Variants in ATRNL1 observed in about 807,000 individuals in gnomAD.
ATRNL1 encodes the protein attractin-like protein 1.
In ATRNL1, 95 loss-of-function variants were observed where a neutral mutation model predicts 182.7. The observed-to-expected ratio is 0.52, with a 90% confidence interval of 0.44 to 0.62. ATRNL1 has a LOEUF of 0.62. Among genes scored for constraint, ATRNL1 ranks in the 20% least tolerant of loss-of-function variants. The probability of loss-of-function intolerance (pLI) is 0.00; values close to 1 mark genes in which losing one functional copy is unlikely to be tolerated. For missense variants in ATRNL1, 1,471 were observed against 1,679.5 expected (o/e 0.88, Z 2.17); for synonymous variants, 576 against 568.3 (o/e 1.01, Z -0.19).
intron 24 of ATRNL1, among the ~76,000 whole-genome samples, chr10:115,501,483 T>C (rs1382063498): frequency 6.6e-6 from 1 of 152,174 alleles, no homozygotes; most frequent in Admixed American, 6.5e-5. Flanking sequence ...TAAAAGAAAG[T>C]ACATCATTCC....
chr10:115,161,910 G>A (rs1313052206), intron 6 of ATRNL1, among the ~76,000 whole-genome samples: 4 of 151,996 alleles, frequency 2.6e-5, no homozygotes, highest in African/African-American at 7.2e-5. Flanking sequence ...TTTAATTGGG[G>A]TGGAAATGTT....
intron 9 of ATRNL1, among the ~76,000 whole-genome samples, chr10:115,219,762 G>T (rs1416343683): frequency 2.0e-5 from 3 of 152,074 alleles, no homozygotes; most frequent in Admixed American, 2.0e-4. Context: ...AGTTAGCCAG[G>T]CATGATGGCA....
chr10:115,398,725 G>A (rs1186805749), intron 20 of ATRNL1, among the ~76,000 whole-genome samples: 1 of 152,024 alleles, frequency 6.6e-6, no homozygotes, highest in Non-Finnish European at 1.5e-5. Flanking sequence ...GCCCTGGTGA[G>A]AACTTCAGAT....
chr10:115,122,600 T>C (rs1554872078), intron 3 of ATRNL1, among the ~76,000 whole-genome samples: 1 of 152,072 alleles, frequency 6.6e-6, no homozygotes, highest in African/African-American at 2.4e-5. Context: ...CTTCAAAATA[T>C]TTTCTTTCCA....
chr10:115,640,367 G>A (rs1859161028), intron 26 of ATRNL1, among the ~76,000 whole-genome samples: 1 of 152,142 alleles, frequency 6.6e-6, no homozygotes, highest in Admixed American at 6.5e-5. Flanking sequence ...TTCCACAATG[G>A]TTGAACCTAA....
At chr10:115,609,586 A>G (rs1555018413) in intron 26 of ATRNL1, among the ~76,000 whole-genome samples, 1 of 152,188 alleles carries the variant, frequency 6.6e-6, no homozygotes, top group African/African-American at 2.4e-5. Context: ...GTTCTGAAAT[A>G]TACACAAATG....
At chr10:115,611,471 T>C (rs563481948) in intron 26 of ATRNL1, among the ~76,000 whole-genome samples, 1 of 152,144 alleles carries the variant, frequency 6.6e-6, no homozygotes, top group Admixed American at 6.5e-5. Flanking sequence ...TTTAGGATGA[T>C]ATAATTCAGT....
chr10:115,628,692 AC>A (rs746376569), intron 26 of ATRNL1, among the ~76,000 whole-genome samples: 33 of 152,164 alleles, frequency 2.2e-4, no homozygotes, highest in Non-Finnish European at 4.3e-4. Context: ...TTTTCTTCTA[AC>A]AGATTTGCTT....
intron 24 of ATRNL1, among the ~76,000 whole-genome samples, chr10:115,493,929 G>A (rs1849427992): frequency 6.6e-6 from 1 of 152,028 alleles, no homozygotes; most frequent in Admixed American, 6.6e-5. Context: ...AAATGTGTCA[G>A]TTTGTGTTCT....
At chr10:115,411,528 A>G (rs1463961612) in intron 20 of ATRNL1, among the ~76,000 whole-genome samples, 1 of 151,942 alleles carries the variant, frequency 6.6e-6, no homozygotes, top group African/African-American at 2.4e-5. Context: ...GAAAAGGAGT[A>G]TGATTATCTC....
rs543662138 is a variant in ATRNL1, at chr10:115,266,340, G to T, written c.1773-457G>T. On this transcript the variant is annotated intron_variant, in intron 11 of 28. Coordinates refer to ENST00000355044, the MANE Select transcript of ATRNL1 (RefSeq NM_207303.4). ...ACTCGGTATCTAATTTCAAAATTCTGTGTCTATATTGAAAAGTTATAATTC... is the reference window on the plus strand; with the variant it reads ...ACTCGGTATCTAATTTCAAAATTCTTTGTCTATATTGAAAAGTTATAATTC... Among the ~76,000 whole-genome samples, 468 of 151,628 alleles carry T rather than the reference G, an allele frequency of 3.1e-3. 3 individuals carry two copies. Among genetic ancestry groups the T allele is most frequent in the African/African-American group, 0.011 (439 of 41,486 alleles).
At chr10:115,661,813 C>T (rs1353824419) in intron 26 of ATRNL1, among the ~76,000 whole-genome samples, 1 of 152,036 alleles carries the variant, frequency 6.6e-6, no homozygotes, top group Non-Finnish European at 1.5e-5. Flanking sequence ...AGTACATGTG[C>T]ACAACGTGCA....
At position 115,093,448 on chromosome 10, in the gene ATRNL1, G is replaced by A. The variant is rs2084926806; in HGVS notation, c.-303G>A. The A allele has an allele frequency of 4.0e-6, 2 of 503,824 alleles. No homozygotes were observed. Among genetic ancestry groups the A allele is most frequent in the African/African-American group, 2.1e-5 (1 of 48,728 alleles). The allele number at this position is 503,824 out of a possible 1,614,324, so 31.2% of individuals were successfully genotyped here. Reference sequence around the variant, plus strand: ...TCAGGTCCCCTCAGGAGCGCCGGGCGCAGTCTGCGCCTCCCGCTCCCCGCC... The same window carrying A: ...TCAGGTCCCCTCAGGAGCGCCGGGCACAGTCTGCGCCTCCCGCTCCCCGCC... On this transcript the variant is annotated 5_prime_UTR_variant, in exon 1 of 29. Transcript: ENST00000355044. The surrounding 1 kb of genome is among the most constrained non-coding windows in gnomAD (Gnocchi z 6.1).
At position 115,838,388 on chromosome 10, in the gene ATRNL1, C is replaced by G. The variant is rs1950728932; in HGVS notation, c.3904-9489C>G. The stretch of plus-strand genomic sequence containing the variant: ...AATGTTACTGACAGGTCACAGCACA[C>G]TGACAGCAACAGGGAAGAAGATATT... On this transcript the variant is annotated intron_variant, in intron 27 of 28. Transcript: ENST00000355044. Among the ~76,000 whole-genome samples, 7 of 152,134 alleles carry G rather than the reference C, an allele frequency of 4.6e-5. 1 individual carries two copies. In the South Asian group the frequency reaches 1.4e-3, roughly 31 times the overall value.
intron 9 of ATRNL1, among the ~76,000 whole-genome samples, chr10:115,227,263 A>G (rs1554898848): frequency 6.6e-6 from 1 of 152,156 alleles, no homozygotes; most frequent in Non-Finnish European, 1.5e-5. Flanking sequence ...GGCAAAGGAC[A>G]TGAACAGACA....
chr10:115,876,003 A>G (rs1213057585), intron 28 of ATRNL1, among the ~76,000 whole-genome samples: 2 of 152,222 alleles, frequency 1.3e-5, no homozygotes, highest in African/African-American at 2.4e-5. Flanking sequence ...AGGAGATCAA[A>G]TACTGGGAAT....
intron 28 of ATRNL1, among the ~76,000 whole-genome samples, chr10:115,870,163 C>T (rs1279177120): frequency 1.3e-5 from 2 of 152,068 alleles, no homozygotes; most frequent in African/African-American, 4.8e-5. Context: ...ACCAACTTTT[C>T]TCAGCCAACT....
At chr10:115,876,853 G>T (rs1242037749) in intron 28 of ATRNL1, among the ~76,000 whole-genome samples, 2 of 152,160 alleles carry the variant, frequency 1.3e-5, no homozygotes, top group Admixed American at 1.3e-4. Flanking sequence ...TTTAATCAGA[G>T]AAATGTTGTG....
At chr10:115,459,711 G>A (rs1554969342) in intron 21 of ATRNL1, among the ~76,000 whole-genome samples, 4 of 151,954 alleles carry the variant, frequency 2.6e-5, no homozygotes, top group Admixed American at 6.6e-5. Flanking sequence ...ATTCTATTAC[G>A]CTGTTAAGTA....
Sources: allele counts gnomAD v4.1 joint callset (sites outside exome capture counted in the v4.1 genomes callset), GRCh38; gene constraint gnomAD v4.1.1; non-coding constraint Gnocchi (gnomAD v3.1); transcripts MANE v1.5; gene names NCBI Gene and HGNC (gene_info 2026-07-23, HGNC 2026-07-21).